The following EXOC4 variants were observed in gnomAD, a reference collection of about 807,000 sequenced individuals.
The protein encoded by EXOC4 is exocyst complex component 4.
A neutral mutation model predicts 107.2 loss-of-function variants in EXOC4; 71 were observed. That is an observed-to-expected ratio of 0.66 (90% CI 0.55 to 0.81). The LOEUF is 0.81. EXOC4 is among the 30% of genes least tolerant of loss of function. EXOC4 has a pLI of 0.00. For synonymous variants in EXOC4, 456 were observed against 441.2 expected (o/e 1.03, Z -0.42); for missense variants, 1,108 against 1,189.6 (o/e 0.93, Z 1.01).
chr7:133,917,721 GGAA>G lies in EXOC4; in HGVS notation c.2016_2018del (p.Glu672del). ...AACAGCTGAGGCCAAAAAGAGAGGA[GGAA>G]GAAGATTTCATAAGGTAAAAGGTCC... is the stretch of plus-strand genomic sequence containing the variant. On this transcript the variant is annotated inframe_deletion, in exon 13 of 18. Transcript: ENST00000253861. 5 of 1,613,944 alleles carry G rather than the reference GGAA, an allele frequency of 3.1e-6. No homozygotes were observed. The highest frequency in any genetic ancestry group is 1.1e-5 in the South Asian group (1 of 91,026).
chr7:133,354,666 C>A (rs1028161881), intron 5 of EXOC4, among the ~76,000 whole-genome samples: 2 of 152,128 alleles, frequency 1.3e-5, no homozygotes, highest in Non-Finnish European at 2.9e-5. Context: ...AGGAAGCAAT[C>A]AGCGATCAGA....
intron 7 of EXOC4, among the ~76,000 whole-genome samples, chr7:133,394,751 T>C (rs1376832909): frequency 6.6e-6 from 1 of 152,156 alleles, no homozygotes; most frequent in African/African-American, 2.4e-5. Context: ...TCAAAAGAGA[T>C]GTTTGCCAAA....
chr7:134,008,281 A>C (rs1794689765), intron 17 of EXOC4, among the ~76,000 whole-genome samples: 1 of 152,164 alleles, frequency 6.6e-6, no homozygotes, highest in African/African-American at 2.4e-5. Context: ...CCAAAACTGG[A>C]ACTGTGTTAA....
chr7:133,359,667 T>C (rs1375470267), intron 6 of EXOC4, among the ~76,000 whole-genome samples: 1 of 152,166 alleles, frequency 6.6e-6, no homozygotes, highest in Non-Finnish European at 1.5e-5. Flanking sequence ...TTATTAAATA[T>C]ATTCTGGTTG....
At chr7:133,642,198 C>T (rs553196421) in intron 10 of EXOC4, among the ~76,000 whole-genome samples, 39 of 152,184 alleles carry the variant, frequency 2.6e-4, no homozygotes, top group African/African-American at 8.9e-4. Context: ...TGAGTGCTTA[C>T]TATATACCAG....
chr7:133,275,211 A>G (rs760015702), intron 2 of EXOC4, 40 bp downstream of exon 2: 7 of 1,512,974 alleles, frequency 4.6e-6, no homozygotes, highest in African/African-American at 2.7e-5. Flanking sequence ...AGCACTTCCC[A>G]TCACTATAGG....
chr7:133,480,096 G>C lies in EXOC4; in HGVS notation c.1375G>C (p.Glu459Gln). The C allele has an allele frequency of 6.2e-7, 1 of 1,614,022 alleles. No homozygotes were observed. The highest frequency in any genetic ancestry group is 8.5e-7 in the Non-Finnish European group (1 of 1,179,928). The change falls in exon 9 of 18, where the codon GAA (glutamate) becomes CAA (glutamine). Residue 459 changes from glutamate (E) to glutamine (Q), a missense_variant. By Grantham distance (29) the Glu-to-Gln change is conservative. Coordinates refer to ENST00000253861, the MANE Select transcript of EXOC4 (RefSeq NM_021807.4). ...HAISMSAYLR[E>Q]QRRELYSRSG... ...CATCAGTATGAGCGCCTATCTGCGA[G>C]AACAGAGAAGGGAGCTCTATAGTCG...
chr7:133,429,113 A>G (rs1198130433), intron 7 of EXOC4, among the ~76,000 whole-genome samples: 4 of 152,144 alleles, frequency 2.6e-5, no homozygotes, highest in African/African-American at 4.8e-5. Flanking sequence ...AACAATGATG[A>G]AGGAGAAGTA....
At chr7:133,659,000 CTTTTTTTTT>C (rs397890140) in intron 10 of EXOC4, among the ~76,000 whole-genome samples, 6 of 40,108 alleles carry the variant, frequency 1.5e-4, no homozygotes, top group African/African-American at 5.1e-4. Context: ...TTCAGAGAAG[CTTTTTTTTT>C]TTTTTTTTTT....
chr7:133,509,823 A>C (rs1301375197), intron 9 of EXOC4, among the ~76,000 whole-genome samples: 4 of 152,162 alleles, frequency 2.6e-5, no homozygotes, highest in Non-Finnish European at 5.9e-5. Flanking sequence ...AAAACCTACG[A>C]GGTGTTTTCA....
At chr7:133,291,547 A>G (rs1191208121) in intron 3 of EXOC4, among the ~76,000 whole-genome samples, 2 of 151,596 alleles carry the variant, frequency 1.3e-5, no homozygotes, top group South Asian at 2.1e-4. Flanking sequence ...ACACCTGGCT[A>G]ATTTTTGCAT....
chr7:133,482,187 T>G (rs1377265037), intron 9 of EXOC4, among the ~76,000 whole-genome samples: 1 of 152,196 alleles, frequency 6.6e-6, no homozygotes, highest in Non-Finnish European at 1.5e-5. Context: ...TCTTAAAAAT[T>G]AATAAACACT....
chr7:133,882,006 C>A (rs558788969), intron 11 of EXOC4, among the ~76,000 whole-genome samples: 5 of 151,930 alleles, frequency 3.3e-5, no homozygotes, highest in Admixed American at 6.6e-5. Context: ...ATCCTCCCCA[C>A]ACTGCTCTAA....
chr7:133,875,213 T>C (rs1798823457), intron 11 of EXOC4, among the ~76,000 whole-genome samples: 1 of 152,230 alleles, frequency 6.6e-6, no homozygotes, highest in Admixed American at 6.5e-5. Context: ...TGATAATGAC[T>C]GCTCTAGTTT....
intron 5 of EXOC4, among the ~76,000 whole-genome samples, chr7:133,355,657 A>G (rs188744872): frequency 6.6e-6 from 1 of 152,244 alleles, no homozygotes; most frequent in East Asian, 1.9e-4. Flanking sequence ...CTTTTGACAT[A>G]TAACATTACT....
At chr7:133,869,674 A>G (rs1585211569) in intron 11 of EXOC4, among the ~76,000 whole-genome samples, 1 of 152,186 alleles carries the variant, frequency 6.6e-6, no homozygotes, top group Admixed American at 6.5e-5. Context: ...CTATGGCAGG[A>G]AAGTAGAATC....
chr7:133,759,737 A>T (rs929870539), intron 10 of EXOC4, among the ~76,000 whole-genome samples: 12 of 152,110 alleles, frequency 7.9e-5, no homozygotes, highest in Admixed American at 6.5e-4. Context: ...GCTTAGTTGG[A>T]ATTCTGATGG....
At chr7:134,076,551 TTCACTCAAG>T in the EXOC4 span, among the ~76,000 whole-genome samples, 1 of 152,026 alleles carries the variant, frequency 6.6e-6, no homozygotes, top group Non-Finnish European at 1.5e-5. Flanking sequence ...GTATGTGTTG[TTCACTCAAG>T]GAGTGTATTA....
intron 10 of EXOC4, among the ~76,000 whole-genome samples, chr7:133,710,925 C>G (rs1033246883): frequency 4.3e-5 from 6 of 138,934 alleles, no homozygotes; most frequent in African/African-American, 1.6e-4. Flanking sequence ...AAAAAAAAAT[C>G]GCCACCAAGA....
Sources: gnomAD v4.1 joint callset for allele counts (sites outside exome capture counted in the v4.1 genomes callset) on GRCh38, gnomAD v4.1.1 for gene constraint, MANE v1.5 for transcripts, NCBI Gene and HGNC (gene_info 2026-07-23, HGNC 2026-07-21) for gene names.